The following FAM163A variants were observed in gnomAD, a reference collection of about 807,000 sequenced individuals.
The protein encoded by FAM163A is family with sequence similarity 163 member A.
In FAM163A, 7 loss-of-function variants were observed where a neutral mutation model predicts 12.0. The ratio of observed to expected loss-of-function variants is 0.58; its 90% CI spans 0.33 to 1.10. FAM163A has a LOEUF of 1.10. Among genes scored for constraint, FAM163A ranks in the 50% least tolerant of loss-of-function variants. The pLI, the probability that FAM163A is intolerant of heterozygous loss-of-function variation, is 0.03. For synonymous variants in FAM163A, 101 were observed against 91.0 expected (o/e 1.11, Z -0.62); for missense variants, 202 against 218.6 (o/e 0.92, Z 0.48).
chr1:179,783,005 C>CTG (rs1690012698), intron 1 of FAM163A, among the ~76,000 whole-genome samples: 1 of 152,032 alleles, frequency 6.6e-6, no homozygotes, highest in Non-Finnish European at 1.5e-5. Context: ...TGGTGCATGC[C>CTG]TGTAATCCCA....
intron 1 of FAM163A, among the ~76,000 whole-genome samples, chr1:179,794,793 T>C (rs1256430552): frequency 6.6e-6 from 1 of 151,818 alleles, no homozygotes; most frequent in Non-Finnish European, 1.5e-5. Flanking sequence ...TACATGGGAG[T>C]GAACCCTGGG....
rs996815853 is a variant in FAM163A at position 179,813,720 on chromosome 1, A to T, written c.94-59A>T. Reference sequence around the variant, plus strand: ...ACAGGGGCACCTGTGCACGCTCAAAAATGCATGGGGCGGGGGGAGCATTCA... The same window carrying T: ...ACAGGGGCACCTGTGCACGCTCAAATATGCATGGGGCGGGGGGAGCATTCA... On this transcript the variant is annotated intron_variant, in intron 4 of 4. Transcript: ENST00000341785. The T allele has an allele frequency of 2.5e-6, 4 of 1,596,910 alleles. No homozygotes were observed. In the African/African-American group the frequency reaches 5.4e-5, roughly 21 times the overall value.
intron 1 of FAM163A, among the ~76,000 whole-genome samples, chr1:179,802,821 G>A (rs910494952): frequency 6.6e-6 from 1 of 151,874 alleles, no homozygotes. Context: ...ATAATGAGTT[G>A]GTGCATCTCT....
chr1:179,760,115 G>A (rs1557905533), intron 1 of FAM163A, among the ~76,000 whole-genome samples: 2 of 152,186 alleles, frequency 1.3e-5, no homozygotes, highest in African/African-American at 2.4e-5. Context: ...GATGGTTATG[G>A]CGGTCCAGGC....
intron 1 of FAM163A, among the ~76,000 whole-genome samples, chr1:179,789,475 C>A (rs902706654): frequency 6.6e-6 from 1 of 152,256 alleles, no homozygotes; most frequent in African/African-American, 2.4e-5. Context: ...AGCCACCGCC[C>A]CCGGCAGGGA....
At chr1:179,738,405 GCAAAAATATCA>G (rs1683243179), upstream of FAM163A, among the ~76,000 whole-genome samples, 1 of 151,888 alleles carries the variant, frequency 6.6e-6, no homozygotes, top group Non-Finnish European at 1.5e-5. Flanking sequence ...AATAATAAAA[GCAAAAATATCA>G]CAAAAATATG....
At chr1:179,812,486 G>T (rs1420391186) in intron 3 of FAM163A, among the ~76,000 whole-genome samples, 1 of 152,174 alleles carries the variant, frequency 6.6e-6, no homozygotes, top group African/African-American at 2.4e-5. Context: ...GCCACCTGGT[G>T]TTTTCGAGAT....
chr1:179,752,464 C>G (rs1221193226), intron 1 of FAM163A, among the ~76,000 whole-genome samples: 1 of 119,306 alleles, frequency 8.4e-6, no homozygotes, highest in Non-Finnish European at 1.7e-5. Context: ...ACCATAAAAG[C>G]TTTTGTACAG....
At chr1:179,737,529 G>A in the FAM163A span, among the ~76,000 whole-genome samples, 2 of 151,974 alleles carry the variant, frequency 1.3e-5, no homozygotes, top group Non-Finnish European at 2.9e-5. Flanking sequence ...AACAACGAAC[G>A]CCCCATCAAA....
intron 1 of FAM163A, among the ~76,000 whole-genome samples, chr1:179,798,039 G>T (rs1375434732): frequency 2.6e-5 from 4 of 152,126 alleles, no homozygotes; most frequent in Admixed American, 6.5e-5. Context: ...AAACCAGCCT[G>T]GCTAACATGG....
At chr1:179,810,683 C>T (rs185965287) in intron 2 of FAM163A, among the ~76,000 whole-genome samples, 32 of 152,286 alleles carry the variant, frequency 2.1e-4, no homozygotes, top group African/African-American at 6.7e-4. Context: ...TCTGTGGCTG[C>T]GAGTCTCACA....
At chr1:179,781,434 A>C (rs1288513157) in intron 1 of FAM163A, among the ~76,000 whole-genome samples, 1 of 151,746 alleles carries the variant, frequency 6.6e-6, no homozygotes, top group African/African-American at 2.4e-5. Context: ...TTAGATCCTC[A>C]CAGAGTTCTC....
At chr1:179,752,476 CAA>C (rs33926633) in intron 1 of FAM163A, among the ~76,000 whole-genome samples, 44,195 of 128,032 alleles carry the variant, frequency 0.35, 7,726 homozygotes, top group East Asian at 0.68. Context: ...TTTGTACAGC[CAA>C]AAAAAAAAAA....
At chr1:179,794,974 C>T (rs963748757) in intron 1 of FAM163A, among the ~76,000 whole-genome samples, 1 of 152,148 alleles carries the variant, frequency 6.6e-6, no homozygotes, top group Non-Finnish European at 1.5e-5. Flanking sequence ...TGGGCTCCTT[C>T]CCACATACTC....
In FAM163A at chr1:179,776,068, G is replaced by A. The variant is rs182340965; in HGVS notation, c.-135-31730G>A. On this transcript the variant is annotated intron_variant, in intron 1 of 4. Coordinates refer to ENST00000341785, the MANE Select transcript of FAM163A (RefSeq NM_173509.3). ...GGGTTTGGGAAATAGGTGCATCATA[G>A]ATTCAAAATAAGAGGCCTACACTTG... is the stretch of plus-strand genomic sequence containing the variant. Among the ~76,000 whole-genome samples, 26 of 152,312 alleles carry A rather than the reference G, an allele frequency of 1.7e-4. No homozygotes were observed. The East Asian group carries it at 5.0e-3, about 29-fold the overall frequency.
At chr1:179,737,575 C>A in the FAM163A span, among the ~76,000 whole-genome samples, 1 of 152,228 alleles carries the variant, frequency 6.6e-6, no homozygotes, top group Admixed American at 6.5e-5. Flanking sequence ...GTGGCTCACA[C>A]CTGTAATCCC....
intron 1 of FAM163A, among the ~76,000 whole-genome samples, chr1:179,796,345 G>A (rs1660896739): frequency 6.6e-6 from 1 of 152,010 alleles, no homozygotes; most frequent in African/African-American, 2.4e-5. Flanking sequence ...TACCCTGTGG[G>A]CTCCATCTCT....
intron 1 of FAM163A, among the ~76,000 whole-genome samples, chr1:179,772,690 A>G (rs555600344): frequency 3.7e-4 from 56 of 152,290 alleles, no homozygotes; most frequent in African/African-American, 1.2e-3. Flanking sequence ...ACAGCTAACA[A>G]TAAAAATCTA....
chr1:179,755,510 C>A (rs1685896064), intron 1 of FAM163A, among the ~76,000 whole-genome samples: 1 of 152,080 alleles, frequency 6.6e-6, no homozygotes, highest in South Asian at 2.1e-4. Context: ...GAAACAAATG[C>A]TAAAGTTCTC....
Sources: allele counts gnomAD v4.1 joint callset (sites outside exome capture counted in the v4.1 genomes callset), GRCh38; gene constraint gnomAD v4.1.1; transcripts MANE v1.5; gene names NCBI Gene and HGNC (gene_info 2026-07-23, HGNC 2026-07-21).